ZFHX3: variants seen among roughly 807,000 people sequenced by gnomAD.
The protein encoded by ZFHX3 is zinc finger homeobox protein 3.
ZFHX3 carries 42 observed loss-of-function variants against 279.1 expected under a neutral mutation model. That is an observed-to-expected ratio of 0.15 (90% CI 0.12 to 0.19). ZFHX3 has a LOEUF of 0.19. Ranked by LOEUF, ZFHX3 falls within the 10% of genes least tolerant of loss-of-function variation. The pLI, the probability that ZFHX3 is intolerant of heterozygous loss-of-function variation, is 1.00. For missense variants in ZFHX3, 4,981 were observed against 4,754.0 expected, an observed-to-expected ratio of 1.05 and a Z score of -1.40; for synonymous variants, 2,293 against 1,957.8, an observed-to-expected ratio of 1.17 and a Z score of -4.52.
At chr16:72,813,250 C>T (rs143720700) in intron 5 of ZFHX3, among the ~76,000 whole-genome samples, 5 of 152,230 alleles carry the variant, frequency 3.3e-5, no homozygotes, top group African/African-American at 1.2e-4. Flanking sequence ...AATAATGTGA[C>T]TCAGCATTCA....
At chr16:73,720,300 C>T (rs1241767183) in intron 1 of ZFHX3, among the ~76,000 whole-genome samples, 1 of 152,076 alleles carries the variant, frequency 6.6e-6, no homozygotes, top group Non-Finnish European at 1.5e-5. Flanking sequence ...CACTCTTTGG[C>T]AATATACTTC....
rs149785997 is a variant in ZFHX3, at chr16:73,269,955, C to T, written c.-1193-12819G>A. On this transcript the variant is annotated intron_variant, in intron 4 of 17. Transcript: ENST00000641206. ...TAGAGATGGAGTTTCACCATGTTGG[C>T]CAGGGTGGTCTCGAACTCCTGAGCT... Among the ~76,000 whole-genome samples, 657 of 152,112 alleles carry T rather than the reference C, an allele frequency of 4.3e-3. 5 individuals carry two copies. Among genetic ancestry groups the T allele is most frequent in the African/African-American group, 0.015 (627 of 41,484 alleles).
chr16:73,731,930 C>G (rs944610526), intron 1 of ZFHX3, among the ~76,000 whole-genome samples: 1 of 152,128 alleles, frequency 6.6e-6, no homozygotes, highest in African/African-American at 2.4e-5. Flanking sequence ...AATGGACCAG[C>G]AGAATAAAGT....
intron 2 of ZFHX3, among the ~76,000 whole-genome samples, chr16:73,642,041 A>C (rs1301191529): frequency 6.6e-6 from 1 of 151,972 alleles, no homozygotes. Context: ...GGACGCTTCC[A>C]CCAAATTTGT....
intron 2 of ZFHX3, among the ~76,000 whole-genome samples, chr16:73,525,849 C>A (rs937331335): frequency 6.6e-6 from 1 of 152,146 alleles, no homozygotes; most frequent in African/African-American, 2.4e-5. Context: ...AGACACTTCC[C>A]TTTTAAGCCT....
At chr16:72,908,343 G>A (rs1213105629) in intron 3 of ZFHX3, among the ~76,000 whole-genome samples, 1 of 152,196 alleles carries the variant, frequency 6.6e-6, no homozygotes, top group Non-Finnish European at 1.5e-5. Context: ...CTCACCAGGG[G>A]CCATGAGGCT....
chr16:73,807,963 G>C (rs752104025), intron 1 of ZFHX3, among the ~76,000 whole-genome samples: 22 of 152,040 alleles, frequency 1.4e-4, no homozygotes, highest in Non-Finnish European at 3.1e-4. Flanking sequence ...TTACATTCAA[G>C]TATCACTTGC....
chr16:72,783,932 T>G lies in ZFHX3; in HGVS notation c.*3232A>C, dbSNP rs2035233797. On this transcript the variant is annotated 3_prime_UTR_variant, in exon 10 of 10. Transcript: ENST00000268489. Reference sequence around the variant, plus strand: ...CACGATGGCTGTCAGCCCACAAACATCTAACTCATGTTTGACCTCTAATGT... The same window carrying G: ...CACGATGGCTGTCAGCCCACAAACAGCTAACTCATGTTTGACCTCTAATGT... The G allele has an allele frequency of 6.6e-6, 1 of 152,242 alleles. No homozygotes were observed. Among genetic ancestry groups the G allele is most frequent in the South Asian group, 2.1e-4 (1 of 4,836 alleles). The allele number at this position is 152,242 out of a possible 1,614,324, so 9.4% of individuals were successfully genotyped here. A position where few individuals can be genotyped will look rare whatever the true frequency, so the allele number is the denominator to read the frequency against.
chr16:73,820,765 C>G (rs935749344), intron 1 of ZFHX3, among the ~76,000 whole-genome samples: 6 of 151,840 alleles, frequency 4.0e-5, no homozygotes, highest in East Asian at 1.9e-4. Context: ...GGAACACCAA[C>G]CACACTGATA....
intron 3 of ZFHX3, among the ~76,000 whole-genome samples, chr16:72,935,280 G>A (rs1960057250): frequency 6.6e-6 from 1 of 152,162 alleles, no homozygotes; most frequent in African/African-American, 2.4e-5. Flanking sequence ...CACCAAAAAT[G>A]TGGTTCTCAG....
chr16:73,500,625 C>T (rs939645673), intron 2 of ZFHX3, among the ~76,000 whole-genome samples: 36 of 147,758 alleles, frequency 2.4e-4, no homozygotes, highest in Non-Finnish European at 4.0e-4. Context: ...CTGCACCCAA[C>T]CTGTGCCCTA....
chr16:73,478,859 TG>T (rs1259486552), intron 2 of ZFHX3, among the ~76,000 whole-genome samples: 1 of 152,132 alleles, frequency 6.6e-6, no homozygotes, highest in Non-Finnish European at 1.5e-5. Flanking sequence ...GAGACCAGCC[TG>T]GCCAGCATGG....
intron 1 of ZFHX3, among the ~76,000 whole-genome samples, chr16:73,728,271 G>T (rs1310963528): frequency 6.6e-6 from 1 of 152,156 alleles, no homozygotes. Context: ...GTGCCTGTGT[G>T]CAAGCCAAGG....
intron 1 of ZFHX3, among the ~76,000 whole-genome samples, chr16:73,855,185 C>G (rs1406612392): frequency 6.8e-6 from 1 of 147,924 alleles, no homozygotes; most frequent in Non-Finnish European, 1.5e-5. Flanking sequence ...CCATTTGAAT[C>G]AGAGATTGTT....
At chr16:73,791,037 T>C (rs1597117167) in intron 1 of ZFHX3, among the ~76,000 whole-genome samples, 1 of 151,932 alleles carries the variant, frequency 6.6e-6, no homozygotes, top group Non-Finnish European at 1.5e-5. Flanking sequence ...CAATCACAGC[T>C]CACTGTAACC....
At chr16:73,837,194 G>T (rs957092489) in intron 1 of ZFHX3, among the ~76,000 whole-genome samples, 5 of 152,232 alleles carry the variant, frequency 3.3e-5, no homozygotes, top group Admixed American at 2.6e-4. Flanking sequence ...AGTGCACCAT[G>T]TGATGGGCCA....
intron 3 of ZFHX3, among the ~76,000 whole-genome samples, chr16:73,418,346 C>T (rs1315643214): frequency 1.5e-5 from 2 of 129,224 alleles, no homozygotes; most frequent in Non-Finnish European, 1.9e-5. Flanking sequence ...AGGCTCAACT[C>T]CCAGAAGCTA....
intron 1 of ZFHX3, among the ~76,000 whole-genome samples, chr16:73,807,289 T>A (rs145996039): frequency 1.4e-4 from 21 of 152,338 alleles, no homozygotes; most frequent in Non-Finnish European, 2.6e-4. Flanking sequence ...TACCAGTACC[T>A]TTTGACTGAT....
In ZFHX3 at chr16:72,815,155, C is replaced by T. The variant is rs531247187; in HGVS notation, c.3530-3117G>A. Among the ~76,000 whole-genome samples the T allele has an allele frequency of 1.4e-4, 22 of 152,256 alleles. No homozygotes were observed. The South Asian group carries it at 4.4e-3, about 30-fold the overall frequency. ...AGGTGCAGTGGCTCACGCCTGTAAT[C>T]CTAGCACTTTGGAAGGCTGAGGTGG... On this transcript the variant is annotated intron_variant, in intron 5 of 9. Transcript: ENST00000268489.
Sources: allele counts gnomAD v4.1 joint callset (sites outside exome capture counted in the v4.1 genomes callset), GRCh38; gene constraint gnomAD v4.1.1; transcripts MANE v1.5; gene names NCBI Gene and HGNC (gene_info 2026-07-23, HGNC 2026-07-21).